EGFLAM: variants seen among roughly 807,000 people sequenced by gnomAD.
EGFLAM encodes the protein pikachurin.
A neutral mutation model predicts 113.1 loss-of-function variants in EGFLAM; 79 were observed. The ratio of observed to expected loss-of-function variants is 0.70; its 90% CI spans 0.58 to 0.84. EGFLAM has a LOEUF of 0.84. EGFLAM is among the 40% of genes least tolerant of loss of function. EGFLAM has a pLI of 0.00. For missense variants in EGFLAM, 1,265 were observed against 1,291.6 expected (o/e 0.98, Z 0.32); for synonymous variants, 504 against 487.6 (o/e 1.03, Z -0.44).
intron 14 of EGFLAM, 124 bp downstream of exon 14, chr5:38,427,376 T>A (rs947311109): frequency 2.7e-6 from 4 of 1,483,406 alleles, no homozygotes; most frequent in Non-Finnish European, 3.6e-6. Context: ...GCTTATCTTC[T>A]GAAACTTGTC....
intron 5 of EGFLAM, among the ~76,000 whole-genome samples, chr5:38,358,262 G>A (rs1739816654): frequency 6.6e-6 from 1 of 151,410 alleles, no homozygotes. Context: ...TGGCTAACAC[G>A]ATGAAACCCC....
chr5:38,370,203 A>T, intron 5 of EGFLAM, 93 bp from the exon 6 acceptor site: 1 of 1,276,042 alleles, frequency 7.8e-7, no homozygotes, highest in Non-Finnish European at 1.1e-6. Flanking sequence ...TTGCTTCCAG[A>T]GTTCAAATGC....
At position 38,425,043 on chromosome 5, in the gene EGFLAM, C is replaced by T; in HGVS notation, c.1761C>T (p.Ser587=). 16 of 1,614,110 alleles carry T rather than the reference C, an allele frequency of 9.9e-6. No individual in the cohort carries two copies. The highest frequency in any genetic ancestry group is 1.6e-4 in the Middle Eastern group (1 of 6,062). ...GGTCTAIKAD[S]YICLCPLGFK... Reference sequence around the variant, plus strand: ...CCTGCACAGCAATCAAAGCCGACTCCTACATTTGCCTCTGTCCCCTTGGGT... The same window carrying T: ...CCTGCACAGCAATCAAAGCCGACTCTTACATTTGCCTCTGTCCCCTTGGGT... The change falls in exon 13 of 22, where the codon TCC becomes TCT. Residue 587 remains serine (S), a synonymous_variant. Transcript: ENST00000322350.
At chr5:38,427,632 C>T (rs1742060077) in intron 14 of EGFLAM, among the ~76,000 whole-genome samples, 1 of 152,172 alleles carries the variant, frequency 6.6e-6, no homozygotes, top group South Asian at 2.1e-4. Context: ...ACATGATGGG[C>T]ACCCAGCAAA....
chr5:38,302,709 C>CAAAAAAA (rs56012054), intron 1 of EGFLAM, among the ~76,000 whole-genome samples: 2 of 115,444 alleles, frequency 1.7e-5, no homozygotes, highest in Non-Finnish European at 3.8e-5. Context: ...GTCTGAGAAT[C>CAAAAAAA]AAAAAAAAAA....
chr5:38,358,370 C>T (rs1320908627), intron 5 of EGFLAM, among the ~76,000 whole-genome samples: 1 of 136,404 alleles, frequency 7.3e-6, no homozygotes, highest in East Asian at 2.2e-4. Context: ...TTGTGTGAAC[C>T]CGGGAGGCGG....
intron 5 of EGFLAM, among the ~76,000 whole-genome samples, chr5:38,370,080 T>G (rs1467247292): frequency 1.3e-5 from 2 of 152,248 alleles, no homozygotes. Context: ...TGTTTACAAC[T>G]GACCCTAAAA....
Position 38,258,600 on chromosome 5 carries a change from GA to G in EGFLAM, c.-153del. 1 of 820,206 alleles carries G rather than the reference GA, an allele frequency of 1.2e-6. No homozygotes were observed. 50.8% of individuals were successfully genotyped at this position (820,206 alleles called of 1,614,324 possible). A position where few individuals can be genotyped will look rare whatever the true frequency, so the allele number is the denominator to read the frequency against. ...CTCCCGGCTGCAGTCCTACCTCTTG[GA>G]ACTACCCGTGTTTCCGGGCCCAGCC... On this transcript the variant is annotated 5_prime_UTR_variant, in exon 1 of 22. Coordinates refer to ENST00000322350, the MANE Select transcript of EGFLAM (RefSeq NM_152403.4).
chr5:38,414,882 A>T (rs1307650678), intron 11 of EGFLAM, among the ~76,000 whole-genome samples: 2 of 152,186 alleles, frequency 1.3e-5, no homozygotes. Context: ...ACCTAATCAT[A>T]CAAAGGGACA....
At chr5:38,358,094 G>A (rs576496704) in intron 5 of EGFLAM, among the ~76,000 whole-genome samples, 14 of 151,232 alleles carry the variant, frequency 9.3e-5, no homozygotes, top group Non-Finnish European at 1.8e-4. Context: ...GCTACAATGA[G>A]CTATAATTGT....
intron 1 of EGFLAM, among the ~76,000 whole-genome samples, chr5:38,280,031 C>T (rs1433933651): frequency 3.3e-5 from 5 of 152,072 alleles, no homozygotes; most frequent in African/African-American, 1.2e-4. Flanking sequence ...GCTAAAAAAA[C>T]AAGGTATACT....
At chr5:38,331,186 T>TC (rs1415124855) in intron 1 of EGFLAM, among the ~76,000 whole-genome samples, 1 of 152,068 alleles carries the variant, frequency 6.6e-6, no homozygotes, top group African/African-American at 2.4e-5. Flanking sequence ...ATGCATAGAC[T>TC]CCCCCGTCAT....
intron 1 of EGFLAM, among the ~76,000 whole-genome samples, chr5:38,278,369 C>G (rs1237070626): frequency 6.6e-6 from 1 of 152,134 alleles, no homozygotes; most frequent in Admixed American, 6.5e-5. Context: ...AAACCCTTAT[C>G]TCTTATGATA....
At chr5:38,427,772 A>G (rs980102817) in intron 14 of EGFLAM, among the ~76,000 whole-genome samples, 8 of 152,206 alleles carry the variant, frequency 5.3e-5, no homozygotes, top group Non-Finnish European at 1.2e-4. Flanking sequence ...ATCATCAGCA[A>G]TGCAGAGACC....
intron 1 of EGFLAM, among the ~76,000 whole-genome samples, chr5:38,281,231 C>T (rs948290166): frequency 1.3e-5 from 2 of 151,860 alleles, no homozygotes; most frequent in Admixed American, 1.3e-4. Flanking sequence ...AAAAACAGTC[C>T]TGTTACACAT....
In EGFLAM at chr5:38,338,758, C is replaced by T; in HGVS notation, c.268C>T (p.Leu90Phe). The change falls in exon 3 of 22, where the codon CTC (leucine) becomes TTC (phenylalanine). Residue 90 changes from leucine (L) to phenylalanine (F), a missense_variant. Physicochemically the swap from Leu to Phe is conservative, Grantham distance 22. Coordinates refer to ENST00000322350, the MANE Select transcript of EGFLAM (RefSeq NM_152403.4). ...SLQEQLHSVP[L>F]SRDIPTTEEV... The stretch of plus-strand genomic sequence containing the variant: ...GCAGGAGCAGTTGCACAGCGTGCCT[C>T]TCAGCCGGGACATCCCGACCACGGT... The T allele has an allele frequency of 6.2e-7, 1 of 1,614,250 alleles. No homozygotes were observed. The highest frequency in any genetic ancestry group is 1.3e-5 in the African/African-American group (1 of 75,076).
In EGFLAM at chr5:38,451,648, A is replaced by C. The variant is rs950252670; in HGVS notation, c.2687+190A>C. 16 of 822,012 alleles carry C rather than the reference A, an allele frequency of 1.9e-5. No individual in the cohort carries two copies. In the African/African-American group the frequency reaches 2.8e-4, roughly 14 times the overall value. 50.9% of individuals were successfully genotyped at this position (822,012 alleles called of 1,614,324 possible). ...TCATCTTATAGAGCAGCAGTCAGCA[A>C]ACTATGGCCTGCAGGCCAAATCTGA... is the stretch of plus-strand genomic sequence containing the variant. On this transcript the variant is annotated intron_variant, in intron 19 of 21. Coordinates refer to ENST00000322350, the MANE Select transcript of EGFLAM (RefSeq NM_152403.4).
intron 1 of EGFLAM, among the ~76,000 whole-genome samples, chr5:38,310,532 A>T: frequency 6.6e-6 from 1 of 151,890 alleles, no homozygotes; most frequent in East Asian, 1.9e-4. Flanking sequence ...CTTCTGTACA[A>T]TTTCCTTTCT....
At chr5:38,396,700 G>A (rs1340565997) in intron 6 of EGFLAM, among the ~76,000 whole-genome samples, 1 of 152,204 alleles carries the variant, frequency 6.6e-6, no homozygotes, top group Non-Finnish European at 1.5e-5. Context: ...AGGTTGCCAG[G>A]AAATTATTAT....
Sources: gnomAD v4.1 joint callset for allele counts (sites outside exome capture counted in the v4.1 genomes callset) on GRCh38, gnomAD v4.1.1 for gene constraint, MANE v1.5 for transcripts, NCBI Gene and HGNC (gene_info 2026-07-23, HGNC 2026-07-21) for gene names.